PHLPP1: variants seen among roughly 807,000 people sequenced by gnomAD.
PHLPP1 encodes the protein PH domain leucine-rich repeat-containing protein phosphatase 1.
PHLPP1 carries 42 observed loss-of-function variants against 117.2 expected under a neutral mutation model. That is an observed-to-expected ratio of 0.36 (90% CI 0.28 to 0.46). PHLPP1 has a LOEUF of 0.46. Ranked by LOEUF, PHLPP1 falls within the 20% of genes least tolerant of loss-of-function variation. The pLI is 1.00. For missense variants in PHLPP1, 2,084 were observed against 2,241.9 expected, an observed-to-expected ratio of 0.93 and a Z score of 1.42; for synonymous variants, 1,042 against 970.7, an observed-to-expected ratio of 1.07 and a Z score of -1.37.
chr18:62,912,304 AAAAAAAAAAATT>A (rs1371581711), intron 8 of PHLPP1, among the ~76,000 whole-genome samples: 1 of 44,432 alleles, frequency 2.3e-5, no homozygotes, highest in African/African-American at 6.5e-5. Flanking sequence ...GAGTATAATA[AAAAAAAAAAATT>A]AAAAAAAAAA....
intron 1 of PHLPP1, among the ~76,000 whole-genome samples, chr18:62,753,855 A>G (rs1911933298): frequency 6.6e-6 from 1 of 152,230 alleles, no homozygotes; most frequent in South Asian, 2.1e-4. Context: ...ATTTCTTACT[A>G]TGGGCCAAAG....
At chr18:62,732,192 A>G (rs899067939) in intron 1 of PHLPP1, among the ~76,000 whole-genome samples, 1 of 152,204 alleles carries the variant, frequency 6.6e-6, no homozygotes, top group Non-Finnish European at 1.5e-5. Flanking sequence ...TAGGACTTTC[A>G]TAGCTAGAGA....
intron 4 of PHLPP1, among the ~76,000 whole-genome samples, chr18:62,867,024 GGTTTT>G (rs1915787811): frequency 6.6e-6 from 1 of 151,952 alleles, no homozygotes; most frequent in Non-Finnish European, 1.5e-5. Flanking sequence ...TACATTTCTT[GGTTTT>G]GTTTTATTTT....
At position 62,888,614 on chromosome 18, in the gene PHLPP1, C is replaced by G. The variant is rs180878401; in HGVS notation, c.2067-6397C>G. Among the ~76,000 whole-genome samples the G allele has an allele frequency of 5.9e-5, 9 of 152,222 alleles. No individual in the cohort carries two copies. The East Asian group carries it at 1.2e-3, about 20-fold the overall frequency. On this transcript the variant is annotated intron_variant, in intron 4 of 16. Coordinates refer to ENST00000262719, the MANE Select transcript of PHLPP1 (RefSeq NM_194449.4). ...TACTTGCGAGGCTGAGGTGGGATTG[C>G]TGGAGCCTGGGAAGTCAAGACTGCA...
chr18:62,784,325 A>G (rs1913213729), intron 1 of PHLPP1, among the ~76,000 whole-genome samples: 1 of 152,244 alleles, frequency 6.6e-6, no homozygotes, highest in South Asian at 2.1e-4. Context: ...TAGTGAGAGT[A>G]AAAGAGGAAT....
At chr18:62,752,958 G>C (rs1911904484) in intron 1 of PHLPP1, among the ~76,000 whole-genome samples, 1 of 152,204 alleles carries the variant, frequency 6.6e-6, no homozygotes, top group Non-Finnish European at 1.5e-5. Flanking sequence ...GTAGTTGTGT[G>C]TTGTGCCATA....
chr18:62,867,895 T>C (rs1022370468), intron 4 of PHLPP1, among the ~76,000 whole-genome samples: 2 of 152,034 alleles, frequency 1.3e-5, no homozygotes, highest in Non-Finnish European at 2.9e-5. Context: ...CACTGCAAGC[T>C]CCGCCTCCCA....
chr18:62,814,143 T>C (rs747781084), intron 1 of PHLPP1, among the ~76,000 whole-genome samples: 1 of 152,216 alleles, frequency 6.6e-6, no homozygotes, highest in Non-Finnish European at 1.5e-5. Context: ...TAAGTGTCTA[T>C]GGTAATTTGG....
At chr18:62,891,938 AATT>A (rs1332331732) in intron 4 of PHLPP1, among the ~76,000 whole-genome samples, 19 of 150,918 alleles carry the variant, frequency 1.3e-4, no homozygotes, top group Non-Finnish European at 3.0e-5. Flanking sequence ...AATGTATATT[AATT>A]CATTTAGACA....
At chr18:62,924,217 C>G (rs934957886) in intron 10 of PHLPP1, among the ~76,000 whole-genome samples, 1 of 152,132 alleles carries the variant, frequency 6.6e-6, no homozygotes, top group African/African-American at 2.4e-5. Flanking sequence ...TGAGACTTTG[C>G]TTCAGTTGCC....
In PHLPP1 at chr18:62,715,544, A is replaced by G; in HGVS notation, c.-140A>G. On this transcript the variant is annotated 5_prime_UTR_variant, in exon 1 of 17. It adds an upstream start codon to the 5' untranslated region. Coordinates refer to ENST00000262719, the MANE Select transcript of PHLPP1 (RefSeq NM_194449.4). The stretch of plus-strand genomic sequence containing the variant: ...GACGGAATGCTCCGAATCGCCACAT[A>G]ATCCCCTGGAACGGCCGCGCACAAC... 1 of 444,230 alleles carries G rather than the reference A, an allele frequency of 2.3e-6. No homozygotes were observed. Among genetic ancestry groups the G allele is most frequent in the Non-Finnish European group, 3.7e-6 (1 of 268,414 alleles). The allele number at this position is 444,230 out of a possible 1,614,324, so 27.5% of individuals were successfully genotyped here. A position where few individuals can be genotyped will look rare whatever the true frequency, so the allele number is the denominator to read the frequency against.
intron 10 of PHLPP1, among the ~76,000 whole-genome samples, chr18:62,935,405 A>T (rs530985911): frequency 6.6e-6 from 1 of 152,340 alleles, no homozygotes; most frequent in South Asian, 2.1e-4. Context: ...CCTTGTTCTT[A>T]GATAGGACGA....
At chr18:62,728,905 A>G (rs1056015263) in intron 1 of PHLPP1, among the ~76,000 whole-genome samples, 2 of 151,824 alleles carry the variant, frequency 1.3e-5, no homozygotes, top group South Asian at 2.1e-4. Flanking sequence ...GGCTAGCCTG[A>G]GAAGGGGGTT....
At chr18:62,724,820 AT>A (rs1568094539) in intron 1 of PHLPP1, among the ~76,000 whole-genome samples, 1 of 152,182 alleles carries the variant, frequency 6.6e-6, no homozygotes. Flanking sequence ...ACAGGTGGGT[AT>A]TTTAATTGCA....
At chr18:62,873,150 A>G (rs1028893645) in intron 4 of PHLPP1, among the ~76,000 whole-genome samples, 1 of 152,158 alleles carries the variant, frequency 6.6e-6, no homozygotes, top group African/African-American at 2.4e-5. Flanking sequence ...GAGTTCTTTT[A>G]TGGTGATATC....
At chr18:62,944,439 A>T (rs1251610991) in intron 11 of PHLPP1, among the ~76,000 whole-genome samples, 1 of 152,376 alleles carries the variant, frequency 6.6e-6, no homozygotes, top group Non-Finnish European at 1.5e-5. Flanking sequence ...ATTAGAACAT[A>T]TTATTAAGAT....
intron 12 of PHLPP1, among the ~76,000 whole-genome samples, chr18:62,949,175 G>A (rs1183776038): frequency 6.6e-6 from 1 of 152,114 alleles, no homozygotes; most frequent in Non-Finnish European, 1.5e-5. Flanking sequence ...TAAAAACTTA[G>A]CAGATAACAT....
chr18:62,951,613 T>C (rs1319981620), intron 12 of PHLPP1, among the ~76,000 whole-genome samples: 2 of 152,120 alleles, frequency 1.3e-5, no homozygotes, highest in Non-Finnish European at 2.9e-5. Context: ...CTTGTAAATT[T>C]CTTTTCAAGT....
chr18:62,933,040 G>A (rs1395483663), intron 10 of PHLPP1, among the ~76,000 whole-genome samples: 1 of 151,974 alleles, frequency 6.6e-6, no homozygotes, highest in Non-Finnish European at 1.5e-5. Flanking sequence ...AAAATACCTA[G>A]GAATACATTT....
Sources: allele counts gnomAD v4.1 joint callset (sites outside exome capture counted in the v4.1 genomes callset), GRCh38; gene constraint gnomAD v4.1.1; transcripts MANE v1.5; gene names NCBI Gene and HGNC (gene_info 2026-07-23, HGNC 2026-07-21).